Variants in OSBPL3 observed in about 807,000 individuals in gnomAD.
OSBPL3 encodes the protein oxysterol binding protein like 3, also known as oxysterol-binding protein-related protein 3.
OSBPL3 carries 65 observed loss-of-function variants against 120.1 expected under a neutral mutation model. That is an observed-to-expected ratio of 0.54 (90% CI 0.44 to 0.67). OSBPL3 has a LOEUF of 0.67. Among genes scored for constraint, OSBPL3 ranks in the 30% least tolerant of loss-of-function variants. The probability of loss-of-function intolerance (pLI) is 0.00; values close to 1 mark genes in which losing one functional copy is unlikely to be tolerated. For missense variants in OSBPL3, 1,004 were observed against 1,082.1 expected, an observed-to-expected ratio of 0.93 and a Z score of 1.01; for synonymous variants, 416 against 402.6, an observed-to-expected ratio of 1.03 and a Z score of -0.40.
chr7:24,885,775 C>A (rs1313960140), intron 2 of OSBPL3, among the ~76,000 whole-genome samples: 1 of 152,128 alleles, frequency 6.6e-6, no homozygotes, highest in African/African-American at 2.4e-5. Context: ...TTCGTATATC[C>A]CTGCTCAGGG....
intron 2 of OSBPL3, among the ~76,000 whole-genome samples, chr7:24,888,391 G>C (rs957996574): frequency 1.3e-5 from 2 of 152,154 alleles, no homozygotes; most frequent in African/African-American, 4.8e-5. Context: ...GAGAGTTTAA[G>C]GTCACAGAAC....
At position 24,870,952 on chromosome 7, in the gene OSBPL3, C is replaced by T. The variant is rs114551091; in HGVS notation, c.268-107G>A. The T allele has an allele frequency of 9.0e-3, 6,723 of 748,302 alleles. 82 individuals are homozygous for T. Among genetic ancestry groups the T allele is most frequent in the South Asian group, 0.02 (1,353 of 68,496 alleles). The allele number at this position is 748,302 out of a possible 1,614,324, so 46.4% of individuals were successfully genotyped here. On this transcript the variant is annotated intron_variant, in intron 4 of 22. Transcript: ENST00000313367. ...CCTGATAGTAAAATCACAAACACTG[C>T]GACTCATCAAGCACTTAGCGTGAGC...
At chr7:24,926,758 A>G (rs1213840921) in intron 1 of OSBPL3, among the ~76,000 whole-genome samples, 1 of 152,198 alleles carries the variant, frequency 6.6e-6, no homozygotes, top group African/African-American at 2.4e-5. Flanking sequence ...CACTATTACA[A>G]TAAAGATACT....
chr7:24,859,258 A>C (rs1800206034), intron 10 of OSBPL3, among the ~76,000 whole-genome samples: 2 of 152,196 alleles, frequency 1.3e-5, no homozygotes, highest in Non-Finnish European at 2.9e-5. Flanking sequence ...AAGGCAATAG[A>C]GGGAATATCT....
rs962405325 is a variant in OSBPL3, at chr7:24,862,861, A to G, written c.870+339T>C. ...GTCACAGCACACAGCAACTGCAGCC[A>G]CAAAACAAGGCACAAACACAAGCAG... is the stretch of plus-strand genomic sequence containing the variant. On this transcript the variant is annotated intron_variant, in intron 9 of 22. Transcript: ENST00000313367. The surrounding 1 kb of genome is among the most constrained non-coding windows in gnomAD (Gnocchi z 4.4). Among the ~76,000 whole-genome samples, 1 of 152,194 alleles carries G rather than the reference A, an allele frequency of 6.6e-6. No homozygotes were observed. Among genetic ancestry groups the G allele is most frequent in the Non-Finnish European group, 1.5e-5 (1 of 68,028 alleles).
rs566311399 is a variant in OSBPL3 at position 24,899,373 on chromosome 7, C to G, written c.-149-6752G>C. ...TTCTCAGTGTTCTTACTGGGACTGT[C>G]AGGTCATAGGGATTTCTGAGAAGTT... is the stretch of plus-strand genomic sequence containing the variant. On this transcript the variant is annotated intron_variant, in intron 1 of 22. Transcript: ENST00000313367. This position sits in a 1 kb window ranked among gnomAD's most constrained non-coding sequence, Gnocchi z 4.0. Among the ~76,000 whole-genome samples, 1 of 152,040 alleles carries G rather than the reference C, an allele frequency of 6.6e-6. No individual in the cohort carries two copies. Among genetic ancestry groups the G allele is most frequent in the South Asian group, 2.1e-4 (1 of 4,818 alleles).
chr7:24,962,378 AGGAGAGG>A (rs1815853027), intron 1 of OSBPL3, among the ~76,000 whole-genome samples: 1 of 122,872 alleles, frequency 8.1e-6, no homozygotes, highest in Non-Finnish European at 1.7e-5. Flanking sequence ...AAGAAAGGAG[AGGAGAGG>A]GGAGGGGGGA....
chr7:24,855,315 T>C lies in OSBPL3; in HGVS notation c.1028-2681A>G, dbSNP rs1799703351. 1.3e-5 allele frequency among the ~76,000 whole-genome samples: 2 copies of C among 152,196 alleles called. No individual in the cohort carries two copies. The highest frequency in any genetic ancestry group is 4.8e-5 in the African/African-American group (2 of 41,456). The stretch of plus-strand genomic sequence containing the variant: ...ACTCAGCTAGCCGCCACTTTCCAAA[T>C]CAATTCCTCTGGCTTCCAGGTGACC... On this transcript the variant is annotated intron_variant, in intron 10 of 22. Transcript: ENST00000313367. This position sits in a 1 kb window ranked among gnomAD's most constrained non-coding sequence, Gnocchi z 4.3.
chr7:24,826,638 C>T (rs1190932704), intron 16 of OSBPL3, among the ~76,000 whole-genome samples: 3 of 152,206 alleles, frequency 2.0e-5, no homozygotes, highest in South Asian at 2.1e-4. Context: ...TTGGTTTTCT[C>T]GCCTGTAACT....
chr7:24,863,157 G>C lies in OSBPL3; in HGVS notation c.870+43C>G. 1 of 1,389,094 alleles carries C rather than the reference G, an allele frequency of 7.2e-7. No individual in the cohort carries two copies. Among genetic ancestry groups the C allele is most frequent in the Non-Finnish European group, 1.0e-6 (1 of 974,400 alleles). The allele number at this position is 1,389,094 out of a possible 1,614,324, so 86.0% of individuals were successfully genotyped here. On this transcript the variant is annotated intron_variant, in intron 9 of 22. Coordinates refer to ENST00000313367, the MANE Select transcript of OSBPL3 (RefSeq NM_015550.4). This position sits in a 1 kb window ranked among gnomAD's most constrained non-coding sequence, Gnocchi z 5.8. ...CTGCTGGCACACGGCATGCAGAGCA[G>C]GGCCAATGAAGAAACCAGTCTGTCA...
At position 24,888,950 on chromosome 7, in the gene OSBPL3, G is replaced by T. The variant is rs1804925160; in HGVS notation, c.96+3427C>A. The stretch of plus-strand genomic sequence containing the variant: ...AAAACCATGTCTTCCAGCTAAGATG[G>T]TGTTTTAAGTTCATGCATTTAATGC... On this transcript the variant is annotated intron_variant, in intron 2 of 22. Coordinates refer to ENST00000313367, the MANE Select transcript of OSBPL3 (RefSeq NM_015550.4). Among the ~76,000 whole-genome samples, 4 of 152,164 alleles carry T rather than the reference G, an allele frequency of 2.6e-5. 1 individual carries two copies. Among genetic ancestry groups the T allele is most frequent in the Non-Finnish European group, 5.9e-5 (4 of 68,032 alleles).
chr7:24,916,000 G>A (rs946422998), intron 1 of OSBPL3, among the ~76,000 whole-genome samples: 3 of 152,136 alleles, frequency 2.0e-5, no homozygotes, highest in African/African-American at 7.2e-5. Context: ...AAAGTATAAA[G>A]CCTAACAAAA....
intron 18 of OSBPL3, among the ~76,000 whole-genome samples, chr7:24,816,086 C>A (rs750318394): frequency 1.3e-5 from 2 of 152,160 alleles, no homozygotes; most frequent in Non-Finnish European, 2.9e-5. Flanking sequence ...TGCAGTGGCA[C>A]GATCACAGCT....
intron 1 of OSBPL3, among the ~76,000 whole-genome samples, chr7:24,908,185 G>A (rs546947506): frequency 6.6e-6 from 1 of 152,168 alleles, no homozygotes; most frequent in South Asian, 2.1e-4. Flanking sequence ...TCATTTCCTG[G>A]TTCCTGCCAC....
At chr7:24,977,712 C>T (rs1204230255) in intron 1 of OSBPL3, among the ~76,000 whole-genome samples, 1 of 152,096 alleles carries the variant, frequency 6.6e-6, no homozygotes, top group East Asian at 1.9e-4. Context: ...AAAAATTAGC[C>T]GGTCGTGGTG....
rs376040840 is a variant in OSBPL3 at position 24,806,926 on chromosome 7, C to T, written c.2318-24G>A. On this transcript the variant is annotated intron_variant, in intron 20 of 22. Transcript: ENST00000313367. The surrounding 1 kb of genome is among the most constrained non-coding windows in gnomAD (Gnocchi z 5.2). ...ATCTAAGAAGAAAATAAATCATTCACCCCTAACTTGCATGTTACTTATGTT... is the reference window on the plus strand; with the variant it reads ...ATCTAAGAAGAAAATAAATCATTCATCCCTAACTTGCATGTTACTTATGTT... The T allele has an allele frequency of 6.1e-5, 96 of 1,575,980 alleles. No individual in the cohort carries two copies. The highest frequency in any genetic ancestry group is 8.2e-5 in the Non-Finnish European group (95 of 1,158,486).
In OSBPL3 at chr7:24,896,649, G is replaced by A. The variant is rs1806175870; in HGVS notation, c.-149-4028C>T. On this transcript the variant is annotated intron_variant, in intron 1 of 22. Transcript: ENST00000313367. This position sits in a 1 kb window ranked among gnomAD's most constrained non-coding sequence, Gnocchi z 4.4. ...ACATACTATATATGTGTGCTGGAAG[G>A]AGTCAGACCTAGGTTTGAATTGGTG... is the stretch of plus-strand genomic sequence containing the variant. Among the ~76,000 whole-genome samples the A allele has an allele frequency of 6.6e-6, 1 of 152,200 alleles. No homozygotes were observed. Among genetic ancestry groups the A allele is most frequent in the African/African-American group, 2.4e-5 (1 of 41,452 alleles).
rs1812016490 is a variant in OSBPL3, at chr7:24,933,323, A to G, written c.-149-40702T>C. ...GTAACACTGCTCTAGAGTCAAAAAAAGAACCAACCCATGAAGGTAAAAAGC... is the reference window on the plus strand; with the variant it reads ...GTAACACTGCTCTAGAGTCAAAAAAGGAACCAACCCATGAAGGTAAAAAGC... On this transcript the variant is annotated intron_variant, in intron 1 of 22. Transcript: ENST00000313367. The surrounding 1 kb of genome is among the most constrained non-coding windows in gnomAD (Gnocchi z 5.1). Among the ~76,000 whole-genome samples, 1 of 152,236 alleles carries G rather than the reference A, an allele frequency of 6.6e-6. No individual in the cohort carries two copies. Among genetic ancestry groups the G allele is most frequent in the Non-Finnish European group, 1.5e-5 (1 of 68,040 alleles).
In OSBPL3 at chr7:24,932,473, A is replaced by G. The variant is rs1056300284; in HGVS notation, c.-149-39852T>C. Among the ~76,000 whole-genome samples the G allele has an allele frequency of 6.6e-6, 1 of 152,134 alleles. No individual in the cohort carries two copies. Among genetic ancestry groups the G allele is most frequent in the Admixed American group, 6.5e-5 (1 of 15,280 alleles). On this transcript the variant is annotated intron_variant, in intron 1 of 22. Transcript: ENST00000313367. The surrounding 1 kb of genome is among the most constrained non-coding windows in gnomAD (Gnocchi z 5.6). ...TGTCCCCCTGAAATTCATACATTAAAACCTAGTCACCAATTTGATGGCATT... is the reference window on the plus strand; with the variant it reads ...TGTCCCCCTGAAATTCATACATTAAGACCTAGTCACCAATTTGATGGCATT...
Sources: gnomAD v4.1 joint callset for allele counts (sites outside exome capture counted in the v4.1 genomes callset) on GRCh38, gnomAD v4.1.1 for gene constraint, Gnocchi (gnomAD v3.1) non-coding constraint, MANE v1.5 for transcripts, NCBI Gene and HGNC (gene_info 2026-07-23, HGNC 2026-07-21) for gene names.